The following ROBO2 variants were observed in gnomAD, a reference collection of about 807,000 sequenced individuals.
ROBO2 encodes the protein roundabout homolog 2.
A neutral mutation model predicts 160.8 loss-of-function variants in ROBO2; 53 were observed. The ratio of observed to expected loss-of-function variants is 0.33; its 90% CI spans 0.26 to 0.41. ROBO2 has a LOEUF of 0.41. ROBO2 is among the 10% of genes least tolerant of loss of function. ROBO2 has a pLI of 1.00. For synonymous variants in ROBO2, 664 were observed against 611.7 expected, an observed-to-expected ratio of 1.09 and a Z score of -1.26; for missense variants, 1,577 against 1,722.4, an observed-to-expected ratio of 0.92 and a Z score of 1.49.
intron 2 of ROBO2, among the ~76,000 whole-genome samples, chr3:77,372,769 T>C (rs1024467424): frequency 6.6e-6 from 1 of 152,170 alleles, no homozygotes; most frequent in African/African-American, 2.4e-5. Flanking sequence ...ATCACTGGAT[T>C]TGCATTAAAT....
At chr3:75,986,296 T>C (rs1025380095) in intron 2 of ROBO2, among the ~76,000 whole-genome samples, 2 of 151,748 alleles carry the variant, frequency 1.3e-5, no homozygotes, top group African/African-American at 2.4e-5. Context: ...TGATTCATTA[T>C]GTTGAGGCTC....
intron 2 of ROBO2, among the ~76,000 whole-genome samples, chr3:77,365,396 G>A (rs909245780): frequency 6.6e-6 from 1 of 152,026 alleles, no homozygotes; most frequent in African/African-American, 2.4e-5. Flanking sequence ...ATTTTTTTGG[G>A]AGGCTCTGCT....
At chr3:77,097,268 T>G (rs1211185678) in intron 1 of ROBO2, among the ~76,000 whole-genome samples, 1 of 152,196 alleles carries the variant, frequency 6.6e-6, no homozygotes, top group Non-Finnish European at 1.5e-5. Flanking sequence ...TAGTTGTCAT[T>G]TTTCATTCTT....
chr3:77,056,470 T>C (rs2065755301), intron 1 of ROBO2, among the ~76,000 whole-genome samples: 2 of 152,184 alleles, frequency 1.3e-5, no homozygotes, highest in Admixed American at 6.5e-5. Context: ...TTTTTACTTA[T>C]AAGAAGACAC....
intron 2 of ROBO2, among the ~76,000 whole-genome samples, chr3:76,188,125 CT>C (rs997268582): frequency 4.0e-4 from 61 of 152,084 alleles, no homozygotes; most frequent in African/African-American, 1.4e-3. Flanking sequence ...CTTTATATTG[CT>C]TTTTAGTTGT....
At chr3:77,072,445 G>A (rs2067525412) in intron 1 of ROBO2, among the ~76,000 whole-genome samples, 1 of 152,128 alleles carries the variant, frequency 6.6e-6, no homozygotes, top group African/African-American at 2.4e-5. Flanking sequence ...CAAAAGGTGG[G>A]GAACTTGTGA....
At chr3:77,475,980 G>A (rs1034475191) in intron 2 of ROBO2, among the ~76,000 whole-genome samples, 2 of 152,168 alleles carry the variant, frequency 1.3e-5, no homozygotes, top group South Asian at 2.1e-4. Context: ...AACTGAGAGT[G>A]AGCAATTTGT....
chr3:77,369,957 C>T (rs2071489424), intron 2 of ROBO2, among the ~76,000 whole-genome samples: 1 of 152,160 alleles, frequency 6.6e-6, no homozygotes, highest in African/African-American at 2.4e-5. Flanking sequence ...AATGAATAAA[C>T]TCAGCCATCT....
At chr3:77,218,856 T>A (rs115839693) in intron 2 of ROBO2, among the ~76,000 whole-genome samples, 1 of 152,218 alleles carries the variant, frequency 6.6e-6, no homozygotes, top group African/African-American at 2.4e-5. Flanking sequence ...ACACTCTACA[T>A]CCAGAATCCA....
rs74893542 is a variant in ROBO2 at position 75,976,820 on chromosome 3, T to C, written c.109+39218T>C. Among the ~76,000 whole-genome samples, 1,041 of 151,606 alleles carry C rather than the reference T, an allele frequency of 6.9e-3. 70 individuals carry two copies. In the East Asian group the frequency reaches 0.17, roughly 25 times the overall value. Reference sequence around the variant, plus strand: ...AATAAAAGGGAGAGAAATCCACTTATGAATGGCACAAACACGTTTCTTTGC... The same window carrying C: ...AATAAAAGGGAGAGAAATCCACTTACGAATGGCACAAACACGTTTCTTTGC... On this transcript the variant is annotated intron_variant, in intron 2 of 26. Transcript: ENST00000487694.
chr3:76,528,015 G>A (rs1006674443), intron 2 of ROBO2, among the ~76,000 whole-genome samples: 2 of 152,072 alleles, frequency 1.3e-5, no homozygotes. Flanking sequence ...GGTGTGGGGT[G>A]CAGAATGTTA....
At chr3:77,149,561 A>G (rs1369246264) in intron 2 of ROBO2, among the ~76,000 whole-genome samples, 2 of 152,186 alleles carry the variant, frequency 1.3e-5, no homozygotes, top group Non-Finnish European at 2.9e-5. Context: ...TCAGAGGTCA[A>G]TAGTGGCTTA....
At chr3:76,432,102 C>T (rs1254030541) in intron 2 of ROBO2, among the ~76,000 whole-genome samples, 1 of 152,038 alleles carries the variant, frequency 6.6e-6, no homozygotes, top group Non-Finnish European at 1.5e-5. Context: ...TGGTCTCCTA[C>T]AAAGTTGTAT....
chr3:77,206,775 T>G (rs2083498429), intron 2 of ROBO2, among the ~76,000 whole-genome samples: 1 of 152,182 alleles, frequency 6.6e-6, no homozygotes, highest in East Asian at 1.9e-4. Flanking sequence ...ATTTTTAAGT[T>G]TTTGATGGAC....
intron 2 of ROBO2, among the ~76,000 whole-genome samples, chr3:76,704,682 G>C (rs150377629): frequency 1.0e-3 from 158 of 152,188 alleles, no homozygotes; most frequent in African/African-American, 3.6e-3. Context: ...CTTGAAACTA[G>C]AATTGTGAAG....
At chr3:76,141,834 T>C (rs998113784) in intron 2 of ROBO2, among the ~76,000 whole-genome samples, 1 of 152,052 alleles carries the variant, frequency 6.6e-6, no homozygotes, top group African/African-American at 2.4e-5. Context: ...CTTGTTAAAA[T>C]GTAAGCTCCA....
chr3:77,010,858 C>T (rs2061848334), intron 2 of ROBO2, among the ~76,000 whole-genome samples: 2 of 125,372 alleles, frequency 1.6e-5, no homozygotes, highest in Non-Finnish European at 3.5e-5. Flanking sequence ...CCCTCTCTCC[C>T]TCCCTCCCTA....
At chr3:76,272,802 A>AT (rs1158948085) in intron 2 of ROBO2, among the ~76,000 whole-genome samples, 1 of 49,716 alleles carries the variant, frequency 2.0e-5, no homozygotes, top group Non-Finnish European at 4.3e-5. Context: ...ATATATATAT[A>AT]AAATATATAA....
intron 2 of ROBO2, among the ~76,000 whole-genome samples, chr3:77,193,854 A>G (rs2082091912): frequency 6.6e-6 from 1 of 151,942 alleles, no homozygotes; most frequent in Non-Finnish European, 1.5e-5. Context: ...AGTGAAGCCT[A>G]CCCCCTCCTT....
Sources: gnomAD v4.1 joint callset for allele counts (sites outside exome capture counted in the v4.1 genomes callset) on GRCh38, gnomAD v4.1.1 for gene constraint, MANE v1.5 for transcripts, NCBI Gene and HGNC (gene_info 2026-07-23, HGNC 2026-07-21) for gene names.